Variants in DAB2IP observed in about 807,000 individuals in gnomAD.
DAB2IP encodes disabled homolog 2-interacting protein.
DAB2IP carries 28 observed loss-of-function variants against 107.2 expected under a neutral mutation model. That is an observed-to-expected ratio of 0.26 (90% confidence interval 0.19 to 0.36). The LOEUF is 0.36. Among genes scored for constraint, DAB2IP ranks in the 10% least tolerant of loss-of-function variants. The probability of loss-of-function intolerance (pLI) is 1.00; values close to 1 mark genes in which losing one functional copy is unlikely to be tolerated. For synonymous variants in DAB2IP, 755 were observed against 706.4 expected, an observed-to-expected ratio of 1.07 and a Z score of -1.09; for missense variants, 1,400 against 1,644.7, an observed-to-expected ratio of 0.85 and a Z score of 2.57.
intron 1 of DAB2IP, among the ~76,000 whole-genome samples, chr9:121,567,970 G>A (rs942163437): frequency 3.3e-5 from 5 of 152,138 alleles, no homozygotes; most frequent in African/African-American, 4.8e-5. Flanking sequence ...GGACGCAAGA[G>A]TGCAAGAGTG....
At chr9:121,648,831 A>C (rs1024391898), upstream of DAB2IP, among the ~76,000 whole-genome samples, 1 of 152,100 alleles carries the variant, frequency 6.6e-6, no homozygotes, top group Non-Finnish European at 1.5e-5. Context: ...GCAGGGCTGG[A>C]AAGTCCGATC....
intron 3 of DAB2IP, chr9:121,742,876 T>C: frequency 1.0e-6 from 1 of 985,414 alleles, no homozygotes; most frequent in Non-Finnish European, 1.2e-6. Flanking sequence ...CCCCACAGGG[T>C]TCTGAGGCTC....
intron 1 of DAB2IP, among the ~76,000 whole-genome samples, chr9:121,605,800 C>T (rs1401053388): frequency 6.6e-6 from 1 of 152,202 alleles, no homozygotes; most frequent in South Asian, 2.1e-4. Context: ...GCCACCGCAC[C>T]TGGCTTCTTT....
rs1405131638 is a variant in DAB2IP at position 121,699,627 on chromosome 9, C to T, written c.362+169C>T. Among the ~76,000 whole-genome samples, 2 of 151,970 alleles carry T rather than the reference C, an allele frequency of 1.3e-5. No individual in the cohort carries two copies. The highest frequency in any genetic ancestry group is 2.9e-5 in the Non-Finnish European group (2 of 67,952). On this transcript the variant is annotated intron_variant, in intron 3 of 15. Coordinates refer to ENST00000408936, the Ensembl canonical transcript of DAB2IP. The surrounding 1 kb of genome is among the most constrained non-coding windows in gnomAD (Gnocchi z 6.2). ...GCCACCTCGGCCGGACTAGGGGGCC[C>T]GAGGGGAGGACCCTGTGCCTCCCTC...
upstream of DAB2IP, among the ~76,000 whole-genome samples, chr9:121,650,304 A>C (rs549756426): frequency 2.0e-5 from 3 of 152,238 alleles, no homozygotes; most frequent in South Asian, 6.2e-4. Flanking sequence ...CTGGTCAGGG[A>C]AGGCGCCTGG....
chr9:121,627,769 T>C (rs914514215), intron 1 of DAB2IP, among the ~76,000 whole-genome samples: 4 of 152,270 alleles, frequency 2.6e-5, no homozygotes, highest in Non-Finnish European at 4.4e-5. Context: ...ATCCATAGAA[T>C]AATATGATTC....
At position 121,768,609 on chromosome 9, in the gene DAB2IP, G is replaced by A; in HGVS notation, c.1875G>A (p.Trp625Ter). 6.2e-7 allele frequency: 1 copy of A among 1,614,024 alleles called. No homozygotes were observed. The highest frequency in any genetic ancestry group is 8.5e-7 in the Non-Finnish European group (1 of 1,180,032). Residue 625 changes from tryptophan (W) to a stop codon, truncating the protein, a stop_gained, in exon 10 of 16, where the codon TGG becomes TGA. Coordinates refer to ENST00000408936, the Ensembl canonical transcript of DAB2IP. LOFTEE classifies it high-confidence loss of function. Reference sequence around the variant, plus strand: ...TCTCCAGCCTGCACTCACTGCTCTGGGAGGCCGTCAGCCAGCTGGAGCAGG... The same window carrying A: ...TCTCCAGCCTGCACTCACTGCTCTGAGAGGCCGTCAGCCAGCTGGAGCAGG...
intron 1 of DAB2IP, among the ~76,000 whole-genome samples, chr9:121,601,146 C>A (rs1830673805): frequency 6.6e-6 from 1 of 152,210 alleles, no homozygotes; most frequent in Non-Finnish European, 1.5e-5. Flanking sequence ...CTATCTTGAT[C>A]TTTCCCCCTT....
At chr9:121,583,789 G>A (rs954741800) in intron 1 of DAB2IP, among the ~76,000 whole-genome samples, 2 of 152,316 alleles carry the variant, frequency 1.3e-5, no homozygotes, top group Middle Eastern at 3.4e-3. Flanking sequence ...TGGTTTTCCC[G>A]TTGTGTCCAA....
At chr9:121,681,077 C>T (rs975799453) in intron 2 of DAB2IP, among the ~76,000 whole-genome samples, 1 of 152,148 alleles carries the variant, frequency 6.6e-6, no homozygotes, top group African/African-American at 2.4e-5. Context: ...GACACACCTA[C>T]AGCTGAAACA....
At chr9:121,666,595 G>A (rs936906752) in intron 1 of DAB2IP, among the ~76,000 whole-genome samples, 43 of 152,108 alleles carry the variant, frequency 2.8e-4, no homozygotes, top group Non-Finnish European at 8.8e-5. Context: ...GGGGCCTGTC[G>A]GCGGGTTGGG....
chr9:121,640,679 C>T (rs1832253785), intron 1 of DAB2IP, among the ~76,000 whole-genome samples: 3 of 152,166 alleles, frequency 2.0e-5, no homozygotes, highest in South Asian at 4.1e-4. Flanking sequence ...ACTCCAGCCC[C>T]AACTCTCCAA....
At chr9:121,694,987 G>A (rs1341550403) in intron 2 of DAB2IP, among the ~76,000 whole-genome samples, 3 of 152,184 alleles carry the variant, frequency 2.0e-5, no homozygotes, top group Non-Finnish European at 2.9e-5. Context: ...GGAGGGAGCC[G>A]CGGGTCCCTG....
At chr9:121,595,450 A>G (rs1830509415) in intron 1 of DAB2IP, among the ~76,000 whole-genome samples, 1 of 151,802 alleles carries the variant, frequency 6.6e-6, no homozygotes, top group South Asian at 2.1e-4. Context: ...CAAACAAACA[A>G]AAATTAGCCC....
intron 1 of DAB2IP, among the ~76,000 whole-genome samples, chr9:121,669,829 CTT>C (rs1279776239): frequency 1.3e-5 from 2 of 152,140 alleles, no homozygotes; most frequent in Non-Finnish European, 2.9e-5. Flanking sequence ...GAGGTTGTGT[CTT>C]TTGCGATTAT....
At chr9:121,584,193 T>C (rs192300660) in intron 1 of DAB2IP, among the ~76,000 whole-genome samples, 20 of 152,024 alleles carry the variant, frequency 1.3e-4, no homozygotes, top group African/African-American at 4.8e-4. Context: ...AATAAATAAA[T>C]AAAAACTTTT....
intron 1 of DAB2IP, among the ~76,000 whole-genome samples, chr9:121,576,709 T>C (rs1472311259): frequency 6.6e-6 from 1 of 152,078 alleles, no homozygotes; most frequent in African/African-American, 2.4e-5. Flanking sequence ...GCAGGAGATG[T>C]TGGTGTCCAC....
At chr9:121,594,597 T>C (rs2777321) in intron 1 of DAB2IP, among the ~76,000 whole-genome samples, 33,587 of 152,130 alleles carry the variant, frequency 0.22, 4,686 homozygotes, top group Non-Finnish European at 0.32. Context: ...CAGCAGGTGG[T>C]GGGGTTGCTT....
intron 1 of DAB2IP, among the ~76,000 whole-genome samples, chr9:121,666,540 G>A (rs1833436396): frequency 6.6e-6 from 1 of 152,098 alleles, no homozygotes; most frequent in South Asian, 2.1e-4. Flanking sequence ...GAGAACATGT[G>A]GACACAGGGA....
Sources: allele counts gnomAD v4.1 joint callset (sites outside exome capture counted in the v4.1 genomes callset), GRCh38; gene constraint gnomAD v4.1.1; non-coding constraint Gnocchi (gnomAD v3.1); transcripts MANE v1.5; gene names NCBI Gene and HGNC (gene_info 2026-07-23, HGNC 2026-07-21).